Variants in DHRSX observed in about 807,000 individuals in gnomAD.
The protein encoded by DHRSX is dehydrogenase/reductase X-linked.
A neutral mutation model predicts 34.0 loss-of-function variants in DHRSX; 31 were observed. The ratio of observed to expected loss-of-function variants is 0.91; its 90% CI spans 0.69 to 1.23. The LOEUF is 1.23. DHRSX is among the 50% of genes most tolerant of loss of function. DHRSX has a pLI of 0.00. For synonymous variants in DHRSX, 201 were observed against 183.8 expected (o/e 1.09, Z -0.76); for missense variants, 414 against 428.1 (o/e 0.97, Z 0.29).
intron 3 of DHRSX, among the ~76,000 whole-genome samples, chrX:2,366,427 C>T (rs1200513069): frequency 3.4e-5 from 5 of 148,970 alleles, no homozygotes; most frequent in Non-Finnish European, 7.4e-5. Context: ...GCAACAAGAG[C>T]GAAACTCAGT....
At position 2,448,771 on chromosome X, in the gene DHRSX, C is replaced by T. The variant is rs138375575; in HGVS notation, c.110-23467G>A. Among the ~76,000 whole-genome samples, 104 of 152,152 alleles carry T rather than the reference C, an allele frequency of 6.8e-4. 1 individual carries two copies. The East Asian group carries it at 0.019, about 28-fold the overall frequency. On this transcript the variant is annotated intron_variant, in intron 1 of 6. Transcript: ENST00000334651. Reference sequence around the variant, plus strand: ...TTCCAGGCAGAAAGCAAAACAAGTCCCAGTTTTGAGGACAGCTGTGACATA... The same window carrying T: ...TTCCAGGCAGAAAGCAAAACAAGTCTCAGTTTTGAGGACAGCTGTGACATA...
At chrX:2,242,841 G>A (rs2016172425) in intron 6 of DHRSX, among the ~76,000 whole-genome samples, 182 bp downstream of exon 6, 1 of 152,052 alleles carries the variant, frequency 6.6e-6, no homozygotes, top group African/African-American at 2.4e-5. Flanking sequence ...TTTGTCTGCG[G>A]AGGAGCCATT....
At chrX:2,498,380 A>G (rs1217134121) in intron 1 of DHRSX, among the ~76,000 whole-genome samples, 1 of 152,210 alleles carries the variant, frequency 6.6e-6, no homozygotes, top group Non-Finnish European at 1.5e-5. Flanking sequence ...CAAATAAAAA[A>G]TGCCGTTTAG....
chrX:2,384,216 AG>A (rs1257827221), intron 3 of DHRSX, among the ~76,000 whole-genome samples: 1 of 152,204 alleles, frequency 6.6e-6, no homozygotes, highest in African/African-American at 2.4e-5. Context: ...CAGACACTCT[AG>A]GATCGACTGT....
chrX:2,376,752 T>C (rs1356942384), intron 3 of DHRSX, among the ~76,000 whole-genome samples: 1 of 151,652 alleles, frequency 6.6e-6, no homozygotes, highest in African/African-American at 2.4e-5. Context: ...TCCCAGCACT[T>C]TGGGAGGCTG....
chrX:2,324,771 T>TC (rs2042357010), intron 3 of DHRSX, among the ~76,000 whole-genome samples: 1 of 144,356 alleles, frequency 6.9e-6, no homozygotes, highest in Admixed American at 6.9e-5. Context: ...TTTCTTTTCT[T>TC]TTTTTTTTTT....
At chrX:2,328,837 C>A (rs1349927792) in intron 3 of DHRSX, among the ~76,000 whole-genome samples, 1 of 152,140 alleles carries the variant, frequency 6.6e-6, no homozygotes, top group Non-Finnish European at 1.5e-5. Context: ...ACCCCAGCAT[C>A]TTTAGGTGGT....
rs912908649 is a variant in DHRSX at position 2,430,372 on chromosome X, G to A, written c.110-5068C>T. On this transcript the variant is annotated intron_variant, in intron 1 of 6. Coordinates refer to ENST00000334651, the MANE Select transcript of DHRSX (RefSeq NM_145177.3). ...GGACCAGGAAGCTGGCATTGGGGCT[G>A]AGAAGTATGTATGTACCCACACAGA... Among the ~76,000 whole-genome samples the A allele has an allele frequency of 2.6e-5, 4 of 152,098 alleles. No homozygotes were observed. In the South Asian group the frequency reaches 8.3e-4, roughly 32 times the overall value.
chrX:2,220,156 G>C lies in DHRSX; in HGVS notation c.*885C>G, dbSNP rs185319933. 3.9e-5 allele frequency: 6 copies of C among 152,622 alleles called. No homozygotes were observed. Among genetic ancestry groups the C allele is most frequent in the African/African-American group, 9.6e-5 (4 of 41,540 alleles). 9.5% of individuals were successfully genotyped at this position (152,622 alleles called of 1,614,324 possible). A position where few individuals can be genotyped will look rare whatever the true frequency, so the allele number is the denominator to read the frequency against. ...ATCCTTCCTGCCTGTCCCAGCTCCT[G>C]GTGGCTCCAGGCATTGCTTGGCTTG... On this transcript the variant is annotated 3_prime_UTR_variant, in exon 7 of 7. Coordinates refer to ENST00000334651, the MANE Select transcript of DHRSX (RefSeq NM_145177.3).
chrX:2,488,638 C>T (rs200007685), intron 1 of DHRSX: 111 of 1,598,048 alleles, frequency 6.9e-5, no homozygotes, highest in Non-Finnish European at 8.5e-5. Context: ...TTCCTCGCTA[C>T]AGGAAGCTGC....
intron 1 of DHRSX, among the ~76,000 whole-genome samples, chrX:2,454,171 A>G (rs2044264874): frequency 6.6e-6 from 1 of 152,122 alleles, no homozygotes; most frequent in Admixed American, 6.6e-5. Context: ...CACAGTTTAT[A>G]TGACCATGAC....
chrX:2,470,634 G>A (rs2044575891), intron 1 of DHRSX, among the ~76,000 whole-genome samples: 2 of 152,134 alleles, frequency 1.3e-5, no homozygotes, highest in Non-Finnish European at 2.9e-5. Flanking sequence ...CCTGAGCCAT[G>A]AGTTGGAGGC....
intron 3 of DHRSX, among the ~76,000 whole-genome samples, chrX:2,323,688 G>A (rs755138832): frequency 2.6e-5 from 4 of 152,220 alleles, no homozygotes; most frequent in African/African-American, 9.6e-5. Context: ...AAGATCACTC[G>A]AGCCCGGGAG....
intron 3 of DHRSX, among the ~76,000 whole-genome samples, chrX:2,377,223 A>C (rs180881507): frequency 1.3e-5 from 2 of 152,056 alleles, no homozygotes; most frequent in South Asian, 2.1e-4. Context: ...TGAGCGTATG[A>C]CATTTATTGT....
intron 1 of DHRSX, among the ~76,000 whole-genome samples, chrX:2,439,922 G>A (rs1446169286): frequency 6.6e-6 from 1 of 152,100 alleles, no homozygotes; most frequent in Non-Finnish European, 1.5e-5. Context: ...AAAGGCTGGG[G>A]ACCGGTACTG....
chrX:2,383,189 C>T (rs2043233524), intron 3 of DHRSX, among the ~76,000 whole-genome samples: 1 of 151,576 alleles, frequency 6.6e-6, no homozygotes, highest in Admixed American at 6.6e-5. Flanking sequence ...TGACCATGAC[C>T]ATCACTATCA....
Position 2,220,736 on chromosome X carries a change from T to G in DHRSX, c.*305A>C. 1 of 394,138 alleles carries G rather than the reference T, an allele frequency of 2.5e-6. No homozygotes were observed. Among genetic ancestry groups the G allele is most frequent in the Non-Finnish European group, 4.5e-6 (1 of 220,372 alleles). 24.4% of individuals were successfully genotyped at this position (394,138 alleles called of 1,614,324 possible). ...TTGGAACTTTTGTACTCAGTTGTAT[T>G]AACGCGGCAAGGAAAATGGCACATT... On this transcript the variant is annotated 3_prime_UTR_variant, in exon 7 of 7. Coordinates refer to ENST00000334651, the MANE Select transcript of DHRSX (RefSeq NM_145177.3).
At chrX:2,258,358 C>T (rs942348313) in intron 5 of DHRSX, among the ~76,000 whole-genome samples, 7 of 152,072 alleles carry the variant, frequency 4.6e-5, no homozygotes, top group Non-Finnish European at 8.8e-5. Flanking sequence ...CAGCCCTGCC[C>T]ATACCTGGAT....
intron 3 of DHRSX, among the ~76,000 whole-genome samples, chrX:2,349,310 T>A (rs73189671): frequency 0.2 from 30,521 of 151,544 alleles, 3,433 homozygotes; most frequent in African/African-American, 0.28. Context: ...GGCTCAGGCC[T>A]GGCGACAGAC....
Sources: gnomAD v4.1 joint callset for allele counts (sites outside exome capture counted in the v4.1 genomes callset) on GRCh38, gnomAD v4.1.1 for gene constraint, MANE v1.5 for transcripts, NCBI Gene and HGNC (gene_info 2026-07-23, HGNC 2026-07-21) for gene names.